The following CNTNAP2 variants were observed in gnomAD, a reference collection of about 807,000 sequenced individuals.
The protein encoded by CNTNAP2 is contactin associated protein 2, also known as contactin-associated protein-like 2.
CNTNAP2 carries 98 observed loss-of-function variants against 155.2 expected under a neutral mutation model. That is an observed-to-expected ratio of 0.63 (90% CI 0.54 to 0.75). The LOEUF (loss-of-function observed/expected upper bound fraction) is 0.75, where lower values mean the gene tolerates loss of function less well. CNTNAP2 is among the 30% of genes least tolerant of loss of function. The pLI is 0.00. For missense variants in CNTNAP2, 1,727 were observed against 1,688.1 expected (o/e 1.02, Z -0.40); for synonymous variants, 651 against 631.2 (o/e 1.03, Z -0.47).
intron 1 of CNTNAP2, among the ~76,000 whole-genome samples, chr7:146,604,024 A>G (rs1798997606): frequency 8.8e-6 from 1 of 113,586 alleles, no homozygotes; most frequent in Non-Finnish European, 1.8e-5. Context: ...CAAGGACTTC[A>G]TGTCTAAAAC....
chr7:147,820,685 T>A (rs1798347251), intron 13 of CNTNAP2, among the ~76,000 whole-genome samples: 1 of 152,162 alleles, frequency 6.6e-6, no homozygotes, highest in Admixed American at 6.5e-5. Context: ...AATTAATTTG[T>A]GTATCTGGTG....
intron 1 of CNTNAP2, among the ~76,000 whole-genome samples, chr7:146,292,336 C>T (rs1198661720): frequency 6.6e-6 from 1 of 152,160 alleles, no homozygotes; most frequent in African/African-American, 2.4e-5. Context: ...GTCCATGTCC[C>T]TGCAAAGGAC....
intron 19 of CNTNAP2, among the ~76,000 whole-genome samples, chr7:148,218,240 A>G (rs551448640): frequency 3.3e-5 from 5 of 152,256 alleles, no homozygotes; most frequent in Non-Finnish European, 5.9e-5. Flanking sequence ...AATTAATTTT[A>G]TCCTGATTTA....
Position 147,947,896 on chromosome 7 carries a change from A to G in CNTNAP2, c.2256-29966A>G, listed in dbSNP as rs185768088. On this transcript the variant is annotated intron_variant, in intron 14 of 23. Transcript: ENST00000361727. ...AATGATTTATTTACCTTAAAAATAA[A>G]CTTGGATTCATTTGATCTTCATAAT... Among the ~76,000 whole-genome samples the G allele has an allele frequency of 9.2e-5, 14 of 152,240 alleles. No individual in the cohort carries two copies. In the East Asian group the frequency reaches 2.3e-3, roughly 25 times the overall value.
intron 13 of CNTNAP2, among the ~76,000 whole-genome samples, chr7:147,720,407 T>C (rs145384767): frequency 0.016 from 2,504 of 152,246 alleles, 226 homozygotes; most frequent in Admixed American, 0.15. Context: ...AACAAGCTAA[T>C]AGCCCTCAAG....
chr7:147,067,579 C>A (rs1799806628), intron 4 of CNTNAP2, among the ~76,000 whole-genome samples: 1 of 152,130 alleles, frequency 6.6e-6, no homozygotes, highest in South Asian at 2.1e-4. Flanking sequence ...ACCCACCTGT[C>A]CGACATTAAT....
At chr7:147,160,485 A>T (rs1802004650) in intron 8 of CNTNAP2, among the ~76,000 whole-genome samples, 1 of 152,100 alleles carries the variant, frequency 6.6e-6, no homozygotes, top group South Asian at 2.1e-4. Context: ...TTATTATTAT[A>T]GGTTTATTTT....
intron 1 of CNTNAP2, among the ~76,000 whole-genome samples, chr7:146,476,289 T>G (rs971093900): frequency 1.3e-5 from 2 of 152,226 alleles, no homozygotes; most frequent in African/African-American, 4.8e-5. Flanking sequence ...CAAAGAATCT[T>G]GTAATATTTT....
In CNTNAP2 at chr7:146,712,148, AGTATACATATCTTATGTATACAAATAT is replaced by A. The variant is rs1563199090; in HGVS notation, c.98-62019_98-61993del. Among the ~76,000 whole-genome samples the A allele has an allele frequency of 5.4e-4, 66 of 121,604 alleles. 1 individual carries two copies. Among genetic ancestry groups the A allele is most frequent in the African/African-American group, 1.7e-3 (51 of 30,496 alleles). 79.8% of individuals were successfully genotyped at this position (121,604 alleles called of 152,430 possible). A position where few individuals can be genotyped will look rare whatever the true frequency, so the allele number is the denominator to read the frequency against. The stretch of plus-strand genomic sequence containing the variant: ...TATACATATCTTATGTATACTATAT[AGTATACATATCTTATGTATACAAATAT>A]GTATACATATCTTATGTATACAAAT... On this transcript the variant is annotated intron_variant, in intron 1 of 23. Transcript: ENST00000361727.
At position 148,392,132 on chromosome 7, in the gene CNTNAP2, G is replaced by A. The variant is rs115518835; in HGVS notation, c.3715+8244G>A. On this transcript the variant is annotated intron_variant, in intron 22 of 23. Coordinates refer to ENST00000361727, the MANE Select transcript of CNTNAP2 (RefSeq NM_014141.6). Reference sequence around the variant, plus strand: ...CTCTGTCACTAGGCTGGAGTGTAGAGGCGTGATCTCGGCTCACTGCAACCT... The same window carrying A: ...CTCTGTCACTAGGCTGGAGTGTAGAAGCGTGATCTCGGCTCACTGCAACCT... Among the ~76,000 whole-genome samples the A allele has an allele frequency of 8.3e-3, 1,261 of 151,034 alleles. 12 individuals carry two copies. Among genetic ancestry groups the A allele is most frequent in the African/African-American group, 0.03 (1,216 of 40,988 alleles).
At chr7:148,018,617 T>C (rs10266911) in intron 15 of CNTNAP2, among the ~76,000 whole-genome samples, 68,003 of 151,890 alleles carry the variant, frequency 0.45, 17,460 homozygotes, top group African/African-American at 0.72. Flanking sequence ...TGTTGGGAGA[T>C]GAAAACTGAA....
chr7:147,115,656 T>A (rs1207340014), intron 5 of CNTNAP2, among the ~76,000 whole-genome samples: 1 of 152,188 alleles, frequency 6.6e-6, no homozygotes, highest in Non-Finnish European at 1.5e-5. Context: ...TTTTCAGCTC[T>A]AACATGTCAA....
intron 13 of CNTNAP2, among the ~76,000 whole-genome samples, chr7:147,747,462 A>G (rs1290300151): frequency 6.6e-6 from 1 of 152,202 alleles, no homozygotes; most frequent in African/African-American, 2.4e-5. Context: ...ATTCTCTTGC[A>G]TATATACACT....
chr7:148,279,722 G>C (rs1796939136), intron 21 of CNTNAP2, among the ~76,000 whole-genome samples: 1 of 152,102 alleles, frequency 6.6e-6, no homozygotes, highest in Non-Finnish European at 1.5e-5. Context: ...AAAGAAAAAA[G>C]CCTATTGATA....
In CNTNAP2 at chr7:148,041,428, G is replaced by A. The variant is rs189690660; in HGVS notation, c.2383+63439G>A. Among the ~76,000 whole-genome samples the A allele has an allele frequency of 1.8e-4, 28 of 152,342 alleles. No individual in the cohort carries two copies. In the East Asian group the frequency reaches 5.0e-3, roughly 27 times the overall value. ...TGAAAAACATGAAAAGCTGTGGCAG[G>A]CCACAAACATGGAGCCCATTTGGAG... On this transcript the variant is annotated intron_variant, in intron 15 of 23. Coordinates refer to ENST00000361727, the MANE Select transcript of CNTNAP2 (RefSeq NM_014141.6).
intron 3 of CNTNAP2, among the ~76,000 whole-genome samples, chr7:146,938,184 A>C (rs533500294): frequency 1.3e-5 from 2 of 152,206 alleles, no homozygotes; most frequent in South Asian, 4.1e-4. Flanking sequence ...TGAAGAAGAG[A>C]GTAAATCTAT....
At chr7:147,396,888 C>T (rs1018959540) in intron 10 of CNTNAP2, among the ~76,000 whole-genome samples, 1 of 152,022 alleles carries the variant, frequency 6.6e-6, no homozygotes, top group African/African-American at 2.4e-5. Context: ...TTAATCCTAT[C>T]TCAGTCTACC....
intron 1 of CNTNAP2, among the ~76,000 whole-genome samples, chr7:146,204,944 G>A (rs907464911): frequency 6.6e-6 from 1 of 151,890 alleles, no homozygotes; most frequent in Non-Finnish European, 1.5e-5. Flanking sequence ...AAAAGAAAAC[G>A]AACTCTCCAA....
At chr7:148,010,711 A>G (rs781091800) in intron 15 of CNTNAP2, among the ~76,000 whole-genome samples, 5 of 151,826 alleles carry the variant, frequency 3.3e-5, no homozygotes, top group Non-Finnish European at 5.9e-5. Flanking sequence ...TTAGGTTCAC[A>G]GCAAAACTGA....
Sources: gnomAD v4.1 joint callset for allele counts (sites outside exome capture counted in the v4.1 genomes callset) on GRCh38, gnomAD v4.1.1 for gene constraint, MANE v1.5 for transcripts, NCBI Gene and HGNC (gene_info 2026-07-23, HGNC 2026-07-21) for gene names.